FAM135A: variants seen among roughly 807,000 people sequenced by gnomAD.
The protein encoded by FAM135A is family with sequence similarity 135 member A, also known as protein FAM135A.
A neutral mutation model predicts 146.8 loss-of-function variants in FAM135A; 79 were observed. The ratio of observed to expected loss-of-function variants is 0.54; its 90% CI spans 0.45 to 0.65. The LOEUF (loss-of-function observed/expected upper bound fraction) is 0.65. Among genes scored for constraint, FAM135A ranks in the 30% least tolerant of loss-of-function variants. The pLI is 0.00. For synonymous variants in FAM135A, 562 were observed against 603.6 expected (o/e 0.93, Z 1.01); for missense variants, 1,623 against 1,758.2 (o/e 0.92, Z 1.38).
At position 70,474,365 on chromosome 6, in the gene FAM135A, A is replaced by G. The variant is rs148638023; in HGVS notation, c.158-1045A>G. The stretch of plus-strand genomic sequence containing the variant: ...CAGGTAGGCTGTTGGAGTGACATCA[A>G]TGACCCAGAGATAAAAACCAAACTT... On this transcript the variant is annotated intron_variant, in intron 5 of 21. Coordinates refer to ENST00000418814, the MANE Select transcript of FAM135A (RefSeq NM_001162529.3). Among the ~76,000 whole-genome samples the G allele has an allele frequency of 2.2e-4, 34 of 152,244 alleles. No individual in the cohort carries two copies. In the East Asian group the frequency reaches 2.3e-3, roughly 10 times the overall value.
chr6:70,494,838 T>A (rs550556424), intron 11 of FAM135A, among the ~76,000 whole-genome samples: 1 of 152,302 alleles, frequency 6.6e-6, no homozygotes, highest in Admixed American at 6.5e-5. Context: ...TTTATTTATT[T>A]ATTAGCCTGG....
chr6:70,441,327 G>C (rs1287613978), intron 4 of FAM135A, among the ~76,000 whole-genome samples: 1 of 152,112 alleles, frequency 6.6e-6, no homozygotes, highest in Non-Finnish European at 1.5e-5. Context: ...GGTGGAGGTT[G>C]CTGTAAGCTG....
intron 10 of FAM135A, among the ~76,000 whole-genome samples, chr6:70,488,835 G>A (rs916299071): frequency 2.0e-5 from 3 of 151,850 alleles, no homozygotes; most frequent in Admixed American, 6.6e-5. Flanking sequence ...GTGCACCTGC[G>A]TAGATCAAAC....
At chr6:70,423,506 A>G (rs1389950363) in intron 2 of FAM135A, among the ~76,000 whole-genome samples, 4 of 152,186 alleles carry the variant, frequency 2.6e-5, no homozygotes, top group Non-Finnish European at 5.9e-5. Context: ...GTCCTAATCT[A>G]TGTGATCAAA....
Position 70,524,121 on chromosome 6 carries a change from G to A in FAM135A, c.1258G>A (p.Asp420Asn). ...EDRYLDSVTE[D>N]LDAPWMGIQN... ...TAGGTATTTAGATTCAGTTACTGAA[G>A]GTAAGTGTAATCTAACTAAAATATA... Residue 420 changes from aspartate to asparagine, a missense_variant and splice_region_variant, in exon 14 of 22, where the codon GAC (aspartate) becomes AAC (asparagine). Around this residue, in one of 7 missense-constraint regions of FAM135A, gnomAD observed 1,061 missense variants for 1,113.8 expected, o/e 0.95. Coordinates refer to ENST00000418814, the MANE Select transcript of FAM135A (RefSeq NM_001162529.3). 6.2e-7 allele frequency: 1 copy of A among 1,607,436 alleles called. No homozygotes were observed. The highest frequency in any genetic ancestry group is 8.5e-7 in the Non-Finnish European group (1 of 1,175,970).
intron 2 of FAM135A, chr6:70,418,517 A>T (rs1449192265): frequency 1.3e-5 from 2 of 152,164 alleles, no homozygotes; most frequent in African/African-American, 4.8e-5. Context: ...TTTAGTAGAG[A>T]CAGGGTTTCG....
chr6:70,456,942 A>C (rs550086263), intron 5 of FAM135A, among the ~76,000 whole-genome samples: 2 of 152,178 alleles, frequency 1.3e-5, no homozygotes, highest in Non-Finnish European at 2.9e-5. Flanking sequence ...TAGTGGCATT[A>C]TCTTGGTTAA....
intron 10 of FAM135A, among the ~76,000 whole-genome samples, chr6:70,489,766 C>T (rs1266418501): frequency 6.6e-6 from 1 of 152,114 alleles, no homozygotes; most frequent in Non-Finnish European, 1.5e-5. Context: ...CTAGTACACA[C>T]GTTGCTTGTC....
chr6:70,426,583 C>G (rs1770201756), intron 3 of FAM135A, 51 bp downstream of exon 3: 1 of 152,142 alleles, frequency 6.6e-6, no homozygotes, highest in Non-Finnish European at 1.5e-5. Context: ...CGAGTATTTG[C>G]CAAATTTCTA....
At chr6:70,421,027 G>A (rs1309489476) in intron 2 of FAM135A, among the ~76,000 whole-genome samples, 1 of 151,970 alleles carries the variant, frequency 6.6e-6, no homozygotes, top group Non-Finnish European at 1.5e-5. Flanking sequence ...GACCACAAGT[G>A]TGCACTACCA....
At chr6:70,497,549 G>A (rs1787566625) in intron 11 of FAM135A, among the ~76,000 whole-genome samples, 1 of 152,210 alleles carries the variant, frequency 6.6e-6, no homozygotes, top group South Asian at 2.1e-4. Context: ...TAGGAGGGGT[G>A]AGAGAGGGCA....
chr6:70,549,136 C>T (rs924489866), intron 20 of FAM135A, among the ~76,000 whole-genome samples: 2 of 151,946 alleles, frequency 1.3e-5, no homozygotes, highest in Non-Finnish European at 2.9e-5. Context: ...AACAATTCCA[C>T]TTTTGGAATT....
Position 70,509,271 on chromosome 6 carries a change from T to TA in FAM135A, c.1029+6490dup, listed in dbSNP as rs541167687. Among the ~76,000 whole-genome samples the TA allele has an allele frequency of 3.1e-3, 474 of 150,636 alleles. 2 individuals are homozygous for TA. The highest frequency in any genetic ancestry group is 6.8e-3 in the Middle Eastern group (2 of 292). Reference sequence around the variant, plus strand: ...CAACATAGTGAGATCTTGTCTCTATTAAAAAAAAAATTATGTCTTTCCTTG... The same window carrying TA: ...CAACATAGTGAGATCTTGTCTCTATTAAAAAAAAAAATTATGTCTTTCCTTG... On this transcript the variant is annotated intron_variant, in intron 12 of 21. Transcript: ENST00000418814.
chr6:70,427,750 T>C (rs1390333956), intron 3 of FAM135A, among the ~76,000 whole-genome samples: 3 of 152,214 alleles, frequency 2.0e-5, no homozygotes, highest in Non-Finnish European at 2.9e-5. Context: ...CTATTTTCTT[T>C]TCTTCAACTT....
chr6:70,541,215 T>G (rs1797857430), intron 20 of FAM135A, among the ~76,000 whole-genome samples: 1 of 152,172 alleles, frequency 6.6e-6, no homozygotes, highest in African/African-American at 2.4e-5. Context: ...TAATAAATAT[T>G]TCTGTTGATC....
rs377230649 is a variant in FAM135A at position 70,538,762 on chromosome 6, T to G, written c.4228+361T>G. ...TGTCTCCCACCCCAATCCTCACCCCTTTTTATAAACTGCCACGTTTTTCTA... is the reference window on the plus strand; with the variant it reads ...TGTCTCCCACCCCAATCCTCACCCCGTTTTATAAACTGCCACGTTTTTCTA... On this transcript the variant is annotated intron_variant, in intron 20 of 21. Coordinates refer to ENST00000418814, the MANE Select transcript of FAM135A (RefSeq NM_001162529.3). Among the ~76,000 whole-genome samples the G allele has an allele frequency of 3.3e-4, 50 of 149,824 alleles. No individual in the cohort carries two copies. The East Asian group carries it at 4.5e-3, about 13-fold the overall frequency.
rs557699367 is a variant in FAM135A, at chr6:70,522,152, G to T, written c.1030-361G>T. On this transcript the variant is annotated intron_variant, in intron 12 of 21. Coordinates refer to ENST00000418814, the MANE Select transcript of FAM135A (RefSeq NM_001162529.3). ...GGCTGGTCTCGAACTCTTGACCTCA[G>T]GTAATCCACCCACCTCAGCCTCCCA... Among the ~76,000 whole-genome samples, 13 of 152,208 alleles carry T rather than the reference G, an allele frequency of 8.5e-5. No homozygotes were observed. In the East Asian group the frequency reaches 1.4e-3, roughly 16 times the overall value.
In FAM135A at chr6:70,546,935, G is replaced by C. The variant is rs181822241; in HGVS notation, c.4228+8534G>C. On this transcript the variant is annotated intron_variant, in intron 20 of 21. Transcript: ENST00000418814. Reference sequence around the variant, plus strand: ...ATAAATGTATAATATATAGACATTAGATGACAGCAGTGTTGAAGTAGTCAA... The same window carrying C: ...ATAAATGTATAATATATAGACATTACATGACAGCAGTGTTGAAGTAGTCAA... Among the ~76,000 whole-genome samples, 8 of 152,272 alleles carry C rather than the reference G, an allele frequency of 5.3e-5. No individual in the cohort carries two copies. The East Asian group carries it at 1.5e-3, about 29-fold the overall frequency.
At chr6:70,446,525 CAAGT>C (rs773381459) in intron 4 of FAM135A, among the ~76,000 whole-genome samples, 14 of 152,280 alleles carry the variant, frequency 9.2e-5, no homozygotes, top group Non-Finnish European at 1.8e-4. Flanking sequence ...TCTTTCTAAA[CAAGT>C]AAGTTCATTT....
Sources: gnomAD v4.1 joint callset for allele counts (sites outside exome capture counted in the v4.1 genomes callset) on GRCh38, gnomAD v4.1.1 for gene constraint, gnomAD v4.1.1 regional missense constraint, MANE v1.5 for transcripts, NCBI Gene and HGNC (gene_info 2026-07-23, HGNC 2026-07-21) for gene names.